The following RAB27B variants were observed in gnomAD, a reference collection of about 807,000 sequenced individuals.
The protein encoded by RAB27B is ras-related protein Rab-27B.
In RAB27B, 15 loss-of-function variants were observed where a neutral mutation model predicts 24.6. The observed-to-expected ratio is 0.61, with a 90% CI of 0.41 to 0.94. RAB27B has a LOEUF of 0.94. RAB27B is among the 40% of genes least tolerant of loss of function. The pLI is 0.00. For synonymous variants in RAB27B, 105 were observed against 92.5 expected, an observed-to-expected ratio of 1.14 and a Z score of -0.78; for missense variants, 261 against 266.8, an observed-to-expected ratio of 0.98 and a Z score of 0.15.
intron 2 of RAB27B, among the ~76,000 whole-genome samples, chr18:54,749,543 A>C (rs1346028010): frequency 6.6e-6 from 1 of 152,144 alleles, no homozygotes; most frequent in Non-Finnish European, 1.5e-5. Context: ...ATTCCTAATG[A>C]GTTACCCTCC....
chr18:54,804,534 A>G (rs1404216325), intron 2 of RAB27B, among the ~76,000 whole-genome samples: 1 of 152,152 alleles, frequency 6.6e-6, no homozygotes, highest in East Asian at 1.9e-4. Context: ...TTTTCTTGCC[A>G]TGCTCGGGTG....
At chr18:54,781,074 C>T (rs993284357) in intron 2 of RAB27B, among the ~76,000 whole-genome samples, 2 of 152,156 alleles carry the variant, frequency 1.3e-5, no homozygotes, top group Non-Finnish European at 2.9e-5. Flanking sequence ...TTCACCTTAG[C>T]TGCCCTGCAT....
intron 1 of RAB27B, among the ~76,000 whole-genome samples, chr18:54,871,022 A>G (rs1283289047): frequency 2.0e-5 from 3 of 152,244 alleles, no homozygotes; most frequent in Non-Finnish European, 4.4e-5. Flanking sequence ...AGATGCAACT[A>G]AACTAAGCCA....
At chr18:54,795,677 A>G (rs1909393085) in intron 2 of RAB27B, among the ~76,000 whole-genome samples, 1 of 152,208 alleles carries the variant, frequency 6.6e-6, no homozygotes, top group African/African-American at 2.4e-5. Context: ...AGAAACTCAG[A>G]TAAAACAAAC....
intron 1 of RAB27B, among the ~76,000 whole-genome samples, chr18:54,842,904 C>T (rs1911172146): frequency 6.6e-6 from 1 of 152,120 alleles, no homozygotes; most frequent in Admixed American, 6.5e-5. Flanking sequence ...ATGCCATTCT[C>T]CCACCTCAGC....
chr18:54,786,396 C>T (rs966267099), intron 2 of RAB27B, among the ~76,000 whole-genome samples: 1 of 152,166 alleles, frequency 6.6e-6, no homozygotes, highest in African/African-American at 2.4e-5. Flanking sequence ...CAGCTGGGAC[C>T]CAGGCTTTAT....
At chr18:54,816,882 G>A (rs189651650) in intron 2 of RAB27B, among the ~76,000 whole-genome samples, 17 of 152,302 alleles carry the variant, frequency 1.1e-4, no homozygotes, top group African/African-American at 4.1e-4. Context: ...TGACTAATGT[G>A]AAGGAGTTGT....
At chr18:54,738,869 C>T (rs1909982618) in intron 2 of RAB27B, among the ~76,000 whole-genome samples, 1 of 152,112 alleles carries the variant, frequency 6.6e-6, no homozygotes, top group Admixed American at 6.6e-5. Flanking sequence ...CTCAATGAGT[C>T]TTGAGAAATG....
chr18:54,872,218 T>C (rs1050733847), intron 1 of RAB27B, among the ~76,000 whole-genome samples: 1 of 152,194 alleles, frequency 6.6e-6, no homozygotes, highest in Non-Finnish European at 1.5e-5. Flanking sequence ...AAATTTTACT[T>C]TCAAGTGCAG....
At chr18:54,833,890 T>C (rs562573055) in intron 1 of RAB27B, among the ~76,000 whole-genome samples, 239 of 152,110 alleles carry the variant, frequency 1.6e-3, no homozygotes, top group Non-Finnish European at 2.8e-3. Context: ...ACAAAGTGAG[T>C]CTGGAGGCAC....
intron 2 of RAB27B, among the ~76,000 whole-genome samples, chr18:54,763,621 G>A (rs1384101166): frequency 2.6e-5 from 4 of 152,176 alleles, no homozygotes; most frequent in Non-Finnish European, 4.4e-5. Flanking sequence ...CCTATGGTAC[G>A]ATGTGAAGTG....
rs190902659 is a variant in RAB27B, at chr18:54,796,834, C to G, written c.-20+78693C>G. On this transcript the variant is annotated intron_variant, in intron 2 of 4. Transcript: ENST00000586570. ...CCGAGGGTGGACCCCTAGACTGGGACCCTGCCCTTCTCTACCCAGCACTTC... is the reference window on the plus strand; with the variant it reads ...CCGAGGGTGGACCCCTAGACTGGGAGCCTGCCCTTCTCTACCCAGCACTTC... 1.1e-3 allele frequency among the ~76,000 whole-genome samples: 173 copies of G among 152,224 alleles called. 1 individual carries two copies. The highest frequency in any genetic ancestry group is 4.0e-3 in the African/African-American group (168 of 41,530).
intron 2 of RAB27B, among the ~76,000 whole-genome samples, chr18:54,808,980 G>GA (rs1648934901): frequency 6.6e-6 from 1 of 152,322 alleles, no homozygotes; most frequent in Admixed American, 6.5e-5. Flanking sequence ...AGTGTCCACA[G>GA]AAGAACTTTT....
chr18:54,840,226 A>G (rs1568090281), intron 1 of RAB27B, among the ~76,000 whole-genome samples: 1 of 152,144 alleles, frequency 6.6e-6, no homozygotes. Context: ...TCTTTCTTAG[A>G]ACTTTATTTC....
chr18:54,822,885 T>G (rs1568081089), intron 2 of RAB27B, among the ~76,000 whole-genome samples: 1 of 152,200 alleles, frequency 6.6e-6, no homozygotes, highest in Non-Finnish European at 1.5e-5. Context: ...CGTGAAATTA[T>G]TTGGGCCTTT....
intron 3 of RAB27B, chr18:54,879,687 T>A (rs1217884629): frequency 4.2e-6 from 2 of 474,258 alleles, no homozygotes; most frequent in Non-Finnish European, 3.8e-6. Flanking sequence ...CTCTGAAGAT[T>A]CTTGCTATGC....
intron 2 of RAB27B, among the ~76,000 whole-genome samples, chr18:54,765,087 A>AC (rs374872557): frequency 0.042 from 6,392 of 152,244 alleles, 197 homozygotes; most frequent in Admixed American, 0.081. Flanking sequence ...AACAAAAAAA[A>AC]ACAAAAAAAC....
At position 54,769,930 on chromosome 18, in the gene RAB27B, C is replaced by T. The variant is rs1486652655; in HGVS notation, c.-20+51789C>T. 1.2e-4 allele frequency among the ~76,000 whole-genome samples: 19 copies of T among 152,050 alleles called. 1 individual carries two copies. The highest frequency in any genetic ancestry group is 1.2e-3 in the Admixed American group (18 of 15,252). On this transcript the variant is annotated intron_variant, in intron 2 of 4. Coordinates refer to the RAB27B transcript ENST00000586570. The stretch of plus-strand genomic sequence containing the variant: ...TTGCTGTCTCCCAGGCTGGATTGTG[C>T]AATCTTGGCTCAATGCAACCTCAGC...
intron 2 of RAB27B, among the ~76,000 whole-genome samples, chr18:54,812,260 A>G (rs1047971246): frequency 6.7e-6 from 1 of 149,054 alleles, no homozygotes; most frequent in Non-Finnish European, 1.5e-5. Flanking sequence ...AAATGAATGA[A>G]GGATTTGAGT....
Sources: allele counts gnomAD v4.1 joint callset (sites outside exome capture counted in the v4.1 genomes callset), GRCh38; gene constraint gnomAD v4.1.1; transcripts MANE v1.5; gene names NCBI Gene and HGNC (gene_info 2026-07-23, HGNC 2026-07-21).